The following EXOC6B variants were observed in gnomAD, a reference collection of about 807,000 sequenced individuals.
EXOC6B encodes exocyst complex component 6B.
A neutral mutation model predicts 113.5 loss-of-function variants in EXOC6B; 54 were observed. The ratio of observed to expected loss-of-function variants is 0.48; its 90% CI spans 0.38 to 0.60. The LOEUF (loss-of-function observed/expected upper bound fraction) is 0.60, where lower values mean the gene tolerates loss of function less well. Ranked by LOEUF, EXOC6B falls within the 20% of genes least tolerant of loss-of-function variation. The pLI, the probability that EXOC6B is intolerant of heterozygous loss-of-function variation, is 0.00. For synonymous variants in EXOC6B, 357 were observed against 339.0 expected (o/e 1.05, Z -0.58); for missense variants, 797 against 977.5 (o/e 0.82, Z 2.46).
chr2:72,551,654 G>A (rs1339746960), intron 8 of EXOC6B, among the ~76,000 whole-genome samples: 3 of 151,204 alleles, frequency 2.0e-5, no homozygotes, highest in East Asian at 3.9e-4. Flanking sequence ...ACAGGCGCCC[G>A]CCACCACGCC....
intron 6 of EXOC6B, among the ~76,000 whole-genome samples, chr2:72,593,675 CAG>C (rs564980344): frequency 5.4e-4 from 76 of 141,512 alleles, no homozygotes; most frequent in African/African-American, 2.0e-3. Flanking sequence ...GGAGATATAA[CAG>C]AGCCCTCAAA....
At chr2:72,787,195 A>G (rs1275604340) in intron 1 of EXOC6B, among the ~76,000 whole-genome samples, 1 of 151,708 alleles carries the variant, frequency 6.6e-6, no homozygotes, top group Admixed American at 6.6e-5. Context: ...GTTTTATTTT[A>G]TTTATTTTTT....
intron 18 of EXOC6B, among the ~76,000 whole-genome samples, chr2:72,403,303 A>C (rs1350072755): frequency 6.6e-6 from 1 of 152,196 alleles, no homozygotes; most frequent in Non-Finnish European, 1.5e-5. Context: ...TTCTGGTCTG[A>C]GTTTTAAGTT....
intron 7 of EXOC6B, 29 bp downstream of exon 7, chr2:72,575,462 TC>T: frequency 6.3e-7 from 1 of 1,584,284 alleles, no homozygotes; most frequent in Non-Finnish European, 8.6e-7. Context: ...TTAAAAATAG[TC>T]TCACTTCCCA....
At chr2:72,412,593 T>G (rs1341330653) in intron 18 of EXOC6B, among the ~76,000 whole-genome samples, 1 of 152,244 alleles carries the variant, frequency 6.6e-6, no homozygotes. Flanking sequence ...GAGACACTTT[T>G]GCCAAAAAGT....
intron 6 of EXOC6B, among the ~76,000 whole-genome samples, chr2:72,709,223 G>A (rs989165191): frequency 1.3e-5 from 2 of 151,910 alleles, no homozygotes; most frequent in African/African-American, 4.8e-5. Context: ...TTGCTTATTT[G>A]TATTTCTCTA....
intron 8 of EXOC6B, among the ~76,000 whole-genome samples, chr2:72,543,731 T>C (rs972506223): frequency 2.6e-5 from 4 of 152,180 alleles, no homozygotes; most frequent in African/African-American, 9.6e-5. Context: ...TCCTTATCAA[T>C]GCAGTGCACA....
rs533251158 is a variant in EXOC6B at position 72,608,191 on chromosome 2, C to T, written c.670-32523G>A. Among the ~76,000 whole-genome samples, 5 of 151,900 alleles carry T rather than the reference C, an allele frequency of 3.3e-5. No homozygotes were observed. In the South Asian group the frequency reaches 1.0e-3, roughly 32 times the overall value. ...GAGAATGGAGCATTAATATTTGGTA[C>T]ACAAAAGCCCAAAGCTTTAAGGAAT... On this transcript the variant is annotated intron_variant, in intron 6 of 21. Transcript: ENST00000272427.
intron 20 of EXOC6B, among the ~76,000 whole-genome samples, chr2:72,218,452 A>G (rs1340175390): frequency 2.4e-4 from 36 of 152,216 alleles, no homozygotes; most frequent in Admixed American, 2.0e-3. Context: ...GTGCATATGT[A>G]TATGTATGTA....
intron 20 of EXOC6B, among the ~76,000 whole-genome samples, chr2:72,281,716 G>A (rs540026094): frequency 9.2e-5 from 14 of 152,232 alleles, no homozygotes; most frequent in African/African-American, 3.1e-4. Context: ...CTAAACTGAT[G>A]AAAGACATCA....
intron 20 of EXOC6B, among the ~76,000 whole-genome samples, chr2:72,209,514 C>T (rs1680052395): frequency 6.6e-6 from 1 of 151,944 alleles, no homozygotes; most frequent in African/African-American, 2.4e-5. Flanking sequence ...ACCTTGTCTC[C>T]AAAAATTTTT....
intron 1 of EXOC6B, among the ~76,000 whole-genome samples, chr2:72,787,220 A>T (rs1412496795): frequency 1.3e-5 from 2 of 150,728 alleles, no homozygotes; most frequent in Non-Finnish European, 3.0e-5. Context: ...TTTATTTTTT[A>T]TTTTTTTTCG....
At chr2:72,765,068 C>A (rs1190084512) in intron 1 of EXOC6B, among the ~76,000 whole-genome samples, 1 of 142,008 alleles carries the variant, frequency 7.0e-6, no homozygotes, top group Admixed American at 7.3e-5. Flanking sequence ...GCCTGAGCAA[C>A]ATGGTGAGAC....
chr2:72,517,062 G>C (rs1701249635), intron 8 of EXOC6B, among the ~76,000 whole-genome samples: 1 of 152,122 alleles, frequency 6.6e-6, no homozygotes, highest in Non-Finnish European at 1.5e-5. Flanking sequence ...TACTAGTCAT[G>C]GAAAGACACT....
At chr2:72,241,750 C>T (rs989439387) in intron 20 of EXOC6B, among the ~76,000 whole-genome samples, 7 of 152,068 alleles carry the variant, frequency 4.6e-5, no homozygotes, top group Non-Finnish European at 8.8e-5. Context: ...ATAAAGAATT[C>T]TAGACCTACA....
intron 6 of EXOC6B, among the ~76,000 whole-genome samples, chr2:72,667,124 A>G (rs1362091944): frequency 6.6e-6 from 1 of 152,202 alleles, no homozygotes; most frequent in Non-Finnish European, 1.5e-5. Flanking sequence ...TTGTCTCCCA[A>G]AGTGATGGGA....
At chr2:72,341,810 G>A (rs961049591) in intron 19 of EXOC6B, among the ~76,000 whole-genome samples, 3 of 152,036 alleles carry the variant, frequency 2.0e-5, no homozygotes, top group African/African-American at 4.8e-5. Context: ...CAAGTGCTCA[G>A]AGAACATTCT....
At chr2:72,821,010 CTT>C (rs1489417916) in intron 1 of EXOC6B, among the ~76,000 whole-genome samples, 3 of 151,900 alleles carry the variant, frequency 2.0e-5, no homozygotes, top group African/African-American at 7.2e-5. Context: ...AAATTAAAAA[CTT>C]TTGTGCAGCA....
chr2:72,592,798 C>A (rs1490061800), intron 6 of EXOC6B, among the ~76,000 whole-genome samples: 1 of 152,116 alleles, frequency 6.6e-6, no homozygotes, highest in Non-Finnish European at 1.5e-5. Flanking sequence ...CACAGAGCAC[C>A]TGAACACCCT....
Sources: allele counts gnomAD v4.1 joint callset (sites outside exome capture counted in the v4.1 genomes callset), GRCh38; gene constraint gnomAD v4.1.1; transcripts MANE v1.5; gene names NCBI Gene and HGNC (gene_info 2026-07-23, HGNC 2026-07-21).